Variants in KRIT1 observed in about 807,000 individuals in gnomAD.
KRIT1 encodes the protein KRIT1 ankyrin repeat containing, also known as krev interaction trapped protein 1.
KRIT1 carries 45 observed loss-of-function variants against 95.8 expected under a neutral mutation model. That is an observed-to-expected ratio of 0.47 (90% CI 0.37 to 0.60). The LOEUF (loss-of-function observed/expected upper bound fraction) is 0.60. Ranked by LOEUF, KRIT1 falls within the 20% of genes least tolerant of loss-of-function variation. KRIT1 has a pLI of 0.00. For synonymous variants in KRIT1, 282 were observed against 278.8 expected, an observed-to-expected ratio of 1.01 and a Z score of -0.11; for missense variants, 788 against 877.5, an observed-to-expected ratio of 0.90 and a Z score of 1.29.
chr7:92,234,328 T>A, intron 10 of KRIT1, 121 bp downstream of exon 10: 1 of 807,736 alleles, frequency 1.2e-6, no homozygotes, highest in Non-Finnish European at 2.0e-6. Flanking sequence ...AACAGAAAAC[T>A]CCTAAGGCAA....
At chr7:92,213,582 T>G (rs1793338089) in intron 16 of KRIT1, among the ~76,000 whole-genome samples, 181 bp from the exon 17 acceptor site, 1 of 152,004 alleles carries the variant, frequency 6.6e-6, no homozygotes, top group African/African-American at 2.4e-5. Context: ...AAAAAAAAAT[T>G]GAGGTCTAAA....
At chr7:92,236,956 T>A (rs1011313389) in intron 6 of KRIT1, among the ~76,000 whole-genome samples, 6 of 152,172 alleles carry the variant, frequency 3.9e-5, no homozygotes, top group African/African-American at 1.4e-4. Context: ...ATTAATATAG[T>A]ATATCATCAG....
chr7:92,240,263 AC>A (rs771967667), intron 5 of KRIT1, among the ~76,000 whole-genome samples: 2 of 152,192 alleles, frequency 1.3e-5, no homozygotes, highest in African/African-American at 2.4e-5. Context: ...CTTTACTGAA[AC>A]ATATGAATCA....
intron 5 of KRIT1, among the ~76,000 whole-genome samples, chr7:92,240,253 C>T (rs2131738652): frequency 6.6e-6 from 1 of 152,292 alleles, no homozygotes; most frequent in Admixed American, 6.5e-5. Context: ...AAAACCATCT[C>T]TTTACTGAAA....
intron 10 of KRIT1, among the ~76,000 whole-genome samples, chr7:92,230,629 G>C (rs1279438437): frequency 6.6e-6 from 1 of 152,144 alleles, no homozygotes; most frequent in Non-Finnish European, 1.5e-5. Flanking sequence ...TCAGGTGAAA[G>C]CAACTTTCAA....
intron 17 of KRIT1, among the ~76,000 whole-genome samples, chr7:92,211,895 C>G (rs1792921430): frequency 6.6e-6 from 1 of 151,652 alleles, no homozygotes; most frequent in African/African-American, 2.4e-5. Context: ...GAGTTTGAGA[C>G]CAAACTGTGC....
rs878871066 is a variant in KRIT1 at position 92,242,126 on chromosome 7, G to T, written c.10C>A (p.Pro4Thr). Residue 4 changes from proline (P) to threonine (T), a missense_variant, in exon 4 of 19, where the codon CCA becomes ACA. Physicochemically the swap from Pro to Thr is conservative, Grantham distance 38. This residue lies in a region of KRIT1 where 289 missense variants were observed against 277.5 expected (regional missense o/e 1.04). Transcript: ENST00000394505. Reference sequence around the variant, plus strand: ...ACATATGCATCTTCTATGTTTTCTGGATTTCCCATTGCTTTACAAAACAAA... The same window carrying T: ...ACATATGCATCTTCTATGTTTTCTGTATTTCCCATTGCTTTACAAAACAAA... MGN[P>T]ENIEDAYVAV... The T allele has an allele frequency of 2.5e-6, 4 of 1,573,912 alleles. No individual in the cohort carries two copies. The South Asian group carries it at 3.3e-5, about 13-fold the overall frequency.
chr7:92,230,877 G>A (rs910874115), intron 10 of KRIT1, among the ~76,000 whole-genome samples: 3 of 152,128 alleles, frequency 2.0e-5, no homozygotes, highest in East Asian at 1.9e-4. Flanking sequence ...AGAAAGTAGT[G>A]AAAGTTTAAG....
intron 17 of KRIT1, chr7:92,206,978 AGAAT>A (rs937534355): frequency 6.6e-6 from 1 of 151,932 alleles, no homozygotes; most frequent in African/African-American, 2.4e-5. Context: ...GAAATAAAAA[AGAAT>A]GAAGAAAGCC....
At chr7:92,243,167 C>T (rs1333100943) in intron 3 of KRIT1, among the ~76,000 whole-genome samples, 4 of 152,010 alleles carry the variant, frequency 2.6e-5, no homozygotes, top group Admixed American at 6.6e-5. Flanking sequence ...TGTGTGTGTG[C>T]GTGTGTGTTA....
At chr7:92,235,363 ACGT>A in intron 8 of KRIT1, 37 bp downstream of exon 8, 1 of 1,601,346 alleles carries the variant, frequency 6.2e-7, no homozygotes, top group Non-Finnish European at 8.5e-7. Context: ...TTGAGATAAA[ACGT>A]CTTTTAAATC....
chr7:92,236,725 A>G (rs541337136), intron 6 of KRIT1, among the ~76,000 whole-genome samples, 183 bp from the exon 7 acceptor site: 1 of 152,302 alleles, frequency 6.6e-6, no homozygotes, highest in African/African-American at 2.4e-5. Flanking sequence ...ACTCAGGTAA[A>G]TGCAACATTT....
At chr7:92,213,108 A>T in intron 17 of KRIT1, 87 bp downstream of exon 17, 1 of 876,256 alleles carries the variant, frequency 1.1e-6, no homozygotes, top group Non-Finnish European at 1.9e-6. Context: ...TCTTGTATAT[A>T]TGCCATTTCT....
intron 1 of KRIT1, 43 bp from the exon 2 acceptor site, chr7:92,245,214 A>T (rs1453467059): frequency 6.6e-6 from 1 of 151,896 alleles, no homozygotes; most frequent in Non-Finnish European, 1.5e-5. Context: ...AGTGAGTTAC[A>T]GGGGGAGAAG....
At chr7:92,236,864 A>G (rs1798534540) in intron 6 of KRIT1, among the ~76,000 whole-genome samples, 1 of 152,186 alleles carries the variant, frequency 6.6e-6, no homozygotes, top group Non-Finnish European at 1.5e-5. Context: ...CTGGAAAAAT[A>G]TATCTGGAAT....
At chr7:92,222,471 G>A (rs1017186012) in intron 13 of KRIT1, among the ~76,000 whole-genome samples, 8 of 152,012 alleles carry the variant, frequency 5.3e-5, no homozygotes, top group African/African-American at 1.7e-4. Flanking sequence ...ATTTTAAATA[G>A]AAAACTAATG....
intron 17 of KRIT1, among the ~76,000 whole-genome samples, chr7:92,210,729 G>A (rs1194278317): frequency 3.9e-5 from 6 of 152,174 alleles, no homozygotes; most frequent in African/African-American, 9.6e-5. Flanking sequence ...CGTAACAATC[G>A]ACAGAGTGAA....
intron 4 of KRIT1, 43 bp downstream of exon 4, chr7:92,241,991 T>C (rs1484626874): frequency 9.9e-7 from 1 of 1,005,090 alleles, no homozygotes; most frequent in Non-Finnish European, 1.6e-6. Context: ...TAATACAGAA[T>C]GACATTCAAT....
At chr7:92,211,683 T>A (rs946361344) in intron 17 of KRIT1, among the ~76,000 whole-genome samples, 23 of 152,156 alleles carry the variant, frequency 1.5e-4, no homozygotes, top group African/African-American at 5.1e-4. Context: ...TACAAAGAAA[T>A]GATAAATATT....
Sources: allele counts gnomAD v4.1 joint callset (sites outside exome capture counted in the v4.1 genomes callset), GRCh38; gene constraint gnomAD v4.1.1; regional missense constraint gnomAD v4.1.1; transcripts MANE v1.5; gene names NCBI Gene and HGNC (gene_info 2026-07-23, HGNC 2026-07-21).